Variants in EYA1 observed in about 807,000 individuals in gnomAD.
EYA1 encodes the protein protein phosphatase EYA1.
In EYA1, 16 loss-of-function variants were observed where a neutral mutation model predicts 82.0. The observed-to-expected ratio is 0.20, with a 90% CI of 0.13 to 0.30. The LOEUF is 0.30. Among genes scored for constraint, EYA1 ranks in the 10% least tolerant of loss-of-function variants. EYA1 has a pLI of 1.00. For synonymous variants in EYA1, 261 were observed against 264.4 expected (o/e 0.99, Z 0.12); for missense variants, 633 against 730.7 (o/e 0.87, Z 1.54).
At chr8:71,317,464 T>G in intron 7 of EYA1, 88 bp downstream of exon 7, 1 of 1,386,032 alleles carries the variant, frequency 7.2e-7, no homozygotes, top group Non-Finnish European at 1.0e-6. Context: ...CATCATCATT[T>G]ACTATTTACA....
At chr8:71,340,489 C>T (rs1824996405) in intron 3 of EYA1, among the ~76,000 whole-genome samples, 1 of 152,132 alleles carries the variant, frequency 6.6e-6, no homozygotes, top group Non-Finnish European at 1.5e-5. Flanking sequence ...AAGTCTACAG[C>T]TTTGTAGTAC....
At chr8:71,415,985 C>T (rs1051999582) in intron 2 of EYA1, among the ~76,000 whole-genome samples, 2 of 152,170 alleles carry the variant, frequency 1.3e-5, no homozygotes, top group Non-Finnish European at 2.9e-5. Flanking sequence ...AGGATGTGCT[C>T]ACTCTTCTTT....
chr8:71,221,585 G>A (rs761052917), intron 12 of EYA1, among the ~76,000 whole-genome samples: 2 of 152,166 alleles, frequency 1.3e-5, no homozygotes, highest in Non-Finnish European at 2.9e-5. Context: ...TTTCTATTTA[G>A]CCAATTTTCA....
chr8:71,508,559 A>G (rs4738140), intron 2 of EYA1, among the ~76,000 whole-genome samples: 104,900 of 152,128 alleles, frequency 0.69, 38,124 homozygotes, highest in East Asian at 0.92. Context: ...CCTTTGGGAA[A>G]TGATTCTGTC....
At chr8:71,255,487 C>A (rs530130174) in intron 11 of EYA1, among the ~76,000 whole-genome samples, 1 of 152,192 alleles carries the variant, frequency 6.6e-6, no homozygotes, top group Admixed American at 6.5e-5. Flanking sequence ...TAAGACCATT[C>A]AATGAGGAAA....
chr8:71,231,189 T>C (rs1308616025), intron 12 of EYA1, among the ~76,000 whole-genome samples: 3 of 152,262 alleles, frequency 2.0e-5, no homozygotes, highest in Non-Finnish European at 4.4e-5. Context: ...CCCTGTTCTC[T>C]GTCTCCACAA....
chr8:71,491,330 G>A (rs1810983635), intron 2 of EYA1, among the ~76,000 whole-genome samples: 1 of 152,126 alleles, frequency 6.6e-6, no homozygotes, highest in Non-Finnish European at 1.5e-5. Context: ...GCAGGGCCAG[G>A]GGAAACAGGA....
intron 2 of EYA1, among the ~76,000 whole-genome samples, chr8:71,463,695 T>G (rs2129193262): frequency 7.1e-6 from 1 of 141,792 alleles, no homozygotes; most frequent in African/African-American, 2.6e-5. Flanking sequence ...TATTTACATA[T>G]ACATGTTAGG....
chr8:71,547,921 G>A (rs1563726650), exon 1 of EYA1: 1 of 152,132 alleles, frequency 6.6e-6, no homozygotes, highest in African/African-American at 2.4e-5. Context: ...AAAGCAAACC[G>A]AAAATGGGTA....
intron 12 of EYA1, among the ~76,000 whole-genome samples, chr8:71,219,938 G>A (rs1809685026): frequency 1.3e-5 from 2 of 152,110 alleles, no homozygotes; most frequent in Admixed American, 6.5e-5. Flanking sequence ...GGACTAGGTT[G>A]TTTTTAGCTT....
chr8:71,203,759 C>A (rs771237901), intron 17 of EYA1, among the ~76,000 whole-genome samples: 1 of 152,038 alleles, frequency 6.6e-6, no homozygotes, highest in Non-Finnish European at 1.5e-5. Flanking sequence ...GGGCAGCAGT[C>A]GGGAAGGATG....
chr8:71,356,054 TAC>T (rs1826842692), intron 2 of EYA1, among the ~76,000 whole-genome samples: 1 of 152,228 alleles, frequency 6.6e-6, no homozygotes, highest in Admixed American at 6.5e-5. Context: ...CAATAAAAGC[TAC>T]AGTCATTTTA....
chr8:71,289,426 T>C (rs1818757750), intron 9 of EYA1, among the ~76,000 whole-genome samples: 1 of 152,228 alleles, frequency 6.6e-6, no homozygotes, highest in Non-Finnish European at 1.5e-5. Context: ...ATTTAACACA[T>C]AGTTAACTGA....
chr8:71,271,951 A>G (rs1173657849), intron 9 of EYA1, 54 bp from the exon 10 acceptor site: 2 of 1,600,840 alleles, frequency 1.2e-6, no homozygotes, highest in African/African-American at 2.7e-5. Flanking sequence ...CATGGTGCCA[A>G]GATTAGCCTT....
chr8:71,288,738 T>G (rs1818670663), intron 9 of EYA1, among the ~76,000 whole-genome samples: 1 of 152,220 alleles, frequency 6.6e-6, no homozygotes, highest in South Asian at 2.1e-4. Context: ...AACCAATTCA[T>G]GCTTACCTAA....
chr8:71,310,811 T>C (rs751856665), intron 7 of EYA1, among the ~76,000 whole-genome samples: 2 of 151,818 alleles, frequency 1.3e-5, no homozygotes, highest in Non-Finnish European at 2.9e-5. Flanking sequence ...CTAACATTCA[T>C]TGTGACATAG....
intron 12 of EYA1, among the ~76,000 whole-genome samples, chr8:71,237,523 TCTGA>T (rs1178294229): frequency 7.1e-6 from 1 of 141,164 alleles, no homozygotes; most frequent in Non-Finnish European, 1.5e-5. Context: ...AGTATTTGTC[TCTGA>T]CTACAGAAGA....
At chr8:71,332,362 A>G (rs950079840) in intron 4 of EYA1, among the ~76,000 whole-genome samples, 1 of 152,172 alleles carries the variant, frequency 6.6e-6, no homozygotes, top group Non-Finnish European at 1.5e-5. Flanking sequence ...CACAGTCAAC[A>G]TGCCCAAAAC....
At chr8:71,270,300 T>C (rs1303511016) in intron 10 of EYA1, 1 of 162,252 alleles carries the variant, frequency 6.2e-6, no homozygotes, top group Admixed American at 6.0e-5. Context: ...ACTAAAACCT[T>C]ACATAATAAA....
Sources: gnomAD v4.1 joint callset for allele counts (sites outside exome capture counted in the v4.1 genomes callset) on GRCh38, gnomAD v4.1.1 for gene constraint, MANE v1.5 for transcripts, NCBI Gene and HGNC (gene_info 2026-07-23, HGNC 2026-07-21) for gene names.